The following FABP6 variants were observed in gnomAD, a reference collection of about 807,000 sequenced individuals.
FABP6 encodes gastrotropin.
FABP6 carries 13 observed loss-of-function variants against 14.9 expected under a neutral mutation model. The ratio of observed to expected loss-of-function variants is 0.87; its 90% CI spans 0.57 to 1.39. The LOEUF (loss-of-function observed/expected upper bound fraction) is 1.39, where lower values mean the gene tolerates loss of function less well. Ranked by LOEUF, FABP6 falls within the 40% of genes most tolerant of loss-of-function variation. FABP6 has a pLI of 0.00. For missense variants in FABP6, 161 were observed against 167.2 expected (o/e 0.96, Z 0.20); for synonymous variants, 75 against 63.6 (o/e 1.18, Z -0.85).
At chr5:160,201,377 A>G (rs1035927565) in intron 2 of FABP6, among the ~76,000 whole-genome samples, 62 of 150,722 alleles carry the variant, frequency 4.1e-4, no homozygotes, top group African/African-American at 1.3e-3. Context: ...AAAAATCCCC[A>G]AAGAAACTAG....
upstream of FABP6, among the ~76,000 whole-genome samples, chr5:160,228,113 C>T (rs529340784): frequency 2.8e-4 from 42 of 151,838 alleles, 1 homozygote; most frequent in South Asian, 6.6e-3. Context: ...AATAATTGGC[C>T]GGGTGTGGTG....
At chr5:160,221,547 T>C (rs999599046) in intron 3 of FABP6, among the ~76,000 whole-genome samples, 5 of 152,176 alleles carry the variant, frequency 3.3e-5, no homozygotes, top group African/African-American at 1.2e-4. Flanking sequence ...TGTCACCTTC[T>C]GGCTGACTTG....
Position 160,232,105 on chromosome 5 carries a change from C to T in FABP6, c.75C>T (p.Ser25=). The change falls in exon 2 of 4, where the codon TCC becomes TCT. Residue 25 remains serine (S), a synonymous_variant. Transcript: ENST00000402432. The part of the protein sequence containing the change: ...YDEFMKLLGI[S]SDVIEKARNF... ...GCTTGTCCCCGGGTCCAGGGATCTC[C>T]AGCGATGTAATCGAAAAGGCCCGCA... 4 of 1,613,914 alleles carry T rather than the reference C, an allele frequency of 2.5e-6. No individual in the cohort carries two copies. The South Asian group carries it at 4.4e-5, about 18-fold the overall frequency.
upstream of FABP6, among the ~76,000 whole-genome samples, chr5:160,227,819 C>CGT (rs763474232): frequency 0.026 from 3,759 of 145,628 alleles, 100 homozygotes; most frequent in African/African-American, 0.06. Context: ...AAATCCATGA[C>CGT]GTGTGTGTGT....
At chr5:160,230,162 C>A (rs911248358) in intron 1 of FABP6, among the ~76,000 whole-genome samples, 23 of 151,752 alleles carry the variant, frequency 1.5e-4, no homozygotes, top group East Asian at 3.9e-4. Flanking sequence ...GAATTACAGG[C>A]GTGAGCTGCC....
At chr5:160,203,703 C>CT (rs11313636) in intron 2 of FABP6, among the ~76,000 whole-genome samples, 1,553 of 142,562 alleles carry the variant, frequency 0.011, 16 homozygotes, top group African/African-American at 0.019. Flanking sequence ...TATTATATTT[C>CT]TTTTTTTTTT....
At chr5:160,237,339 T>C (rs1019422505) in intron 3 of FABP6, among the ~76,000 whole-genome samples, 3 of 152,082 alleles carry the variant, frequency 2.0e-5, no homozygotes, top group African/African-American at 7.2e-5. Context: ...AGGGTCATCA[T>C]GCACACACAC....
In FABP6 at chr5:160,220,611, T is replaced by A. The variant is rs983639615; in HGVS notation, c.135+6792T>A. On this transcript the variant is annotated intron_variant, in intron 3 of 6. Transcript: ENST00000393980. ...GACCCTGCCTAATAATAATAATAAT[T>A]ATTATTAATAATAAATAAGGCTTTG... Among the ~76,000 whole-genome samples the A allele has an allele frequency of 9.9e-5, 15 of 151,550 alleles. No homozygotes were observed. The South Asian group carries it at 1.3e-3, about 13-fold the overall frequency.
chr5:160,209,459 G>C (rs1270127298), intron 2 of FABP6, among the ~76,000 whole-genome samples: 1 of 152,136 alleles, frequency 6.6e-6, no homozygotes, highest in Non-Finnish European at 1.5e-5. Context: ...GGAGGTTGAG[G>C]GTTCAGTGAA....
At chr5:160,206,342 C>T (rs1245329728) in intron 2 of FABP6, among the ~76,000 whole-genome samples, 2 of 152,076 alleles carry the variant, frequency 1.3e-5, no homozygotes, top group Non-Finnish European at 2.9e-5. Flanking sequence ...GCAAGAGAAT[C>T]GCTTGAACCC....
At position 160,213,734 on chromosome 5, in the gene FABP6, A is replaced by G. The variant is rs547987197; in HGVS notation, c.52-2A>G. ...AATCAGATTATTTCTCTTCTGACTC[A>G]GGTTCTGAGAGCTGTGTTGTCTGCG... On this transcript the variant is annotated splice_acceptor_variant, in intron 2 of 6. Coordinates refer to the FABP6 transcript ENST00000393980. LOFTEE classifies it high-confidence loss of function. 1.9e-6 allele frequency: 3 copies of G among 1,613,736 alleles called. No individual in the cohort carries two copies. The highest frequency in any genetic ancestry group is 2.7e-5 in the African/African-American group (2 of 75,024).
intron 1 of FABP6, among the ~76,000 whole-genome samples, chr5:160,192,914 C>A (rs1184656106): frequency 3.3e-5 from 5 of 152,176 alleles, no homozygotes; most frequent in African/African-American, 1.2e-4. Flanking sequence ...GAGTTTGAGA[C>A]CAGCCTGAGC....
chr5:160,197,248 T>C (rs548815158), intron 1 of FABP6: 1 of 152,384 alleles, frequency 6.6e-6, no homozygotes, highest in East Asian at 1.9e-4. Flanking sequence ...CCTAGGCAGT[T>C]CTACGCTCTC....
intron 2 of FABP6, among the ~76,000 whole-genome samples, chr5:160,234,545 G>C (rs948819911): frequency 6.0e-5 from 9 of 151,256 alleles, no homozygotes; most frequent in Admixed American, 4.6e-4. Context: ...TCACGCCTCA[G>C]CCTCCCAAGT....
At chr5:160,229,841 ATTTTATTTTATTT>A in intron 1 of FABP6, among the ~76,000 whole-genome samples, 1 of 58,634 alleles carries the variant, frequency 1.7e-5, no homozygotes, top group Non-Finnish European at 3.5e-5. Context: ...ATTTTATTTT[ATTTTATTTTATTT>A]TATTTTATTT....
At chr5:160,195,412 G>A (rs1465403) in intron 1 of FABP6, among the ~76,000 whole-genome samples, 34,228 of 151,558 alleles carry the variant, frequency 0.23, 3,903 homozygotes, top group South Asian at 0.25. Flanking sequence ...ACTGGCCACT[G>A]CCTCATTCAG....
intron 1 of FABP6, among the ~76,000 whole-genome samples, chr5:160,231,324 G>A (rs553759660): frequency 6.6e-6 from 1 of 152,168 alleles, no homozygotes; most frequent in African/African-American, 2.4e-5. Flanking sequence ...TGAAATACTG[G>A]GAAGTCCCTT....
At chr5:160,226,844 C>T (rs145602751), upstream of FABP6, among the ~76,000 whole-genome samples, 1,158 of 152,186 alleles carry the variant, frequency 7.6e-3, 11 homozygotes, top group African/African-American at 0.026. Context: ...ATGCTCTAGG[C>T]GGGAGTGTAA....
intron 1 of FABP6, chr5:160,196,724 C>A (rs895466440): frequency 6.6e-6 from 1 of 152,250 alleles, no homozygotes; most frequent in Non-Finnish European, 1.5e-5. Context: ...AGGCACATGC[C>A]GCCACGCCCG....
Sources: gnomAD v4.1 joint callset for allele counts (sites outside exome capture counted in the v4.1 genomes callset) on GRCh38, gnomAD v4.1.1 for gene constraint, MANE v1.5 for transcripts, NCBI Gene and HGNC (gene_info 2026-07-23, HGNC 2026-07-21) for gene names.